The following UGT1A8 variants were observed in gnomAD, a reference collection of about 807,000 sequenced individuals.
UGT1A8 encodes UDP glucuronosyltransferase family 1 member A8, also known as UDP-glucuronosyltransferase 1A8.
In UGT1A8, 39 loss-of-function variants were observed where a neutral mutation model predicts 45.3. The ratio of observed to expected loss-of-function variants is 0.86; its 90% CI spans 0.67 to 1.12. UGT1A8 has a LOEUF of 1.12. Ranked by LOEUF, UGT1A8 falls within the 50% of genes most tolerant of loss-of-function variation. The pLI is 0.00. For missense variants in UGT1A8, 719 were observed against 664.9 expected (o/e 1.08, Z -0.90); for synonymous variants, 275 against 249.2 (o/e 1.10, Z -0.97).
At chr2:233,717,349 C>T (rs1413249189) in intron 1 of UGT1A8, among the ~76,000 whole-genome samples, 1 of 152,208 alleles carries the variant, frequency 6.6e-6, no homozygotes. Context: ...AAATCGTCCT[C>T]CCCTGGGGAG....
At position 233,672,271 on chromosome 2, in the gene UGT1A8, T is replaced by C. The variant is rs370692027; in HGVS notation, c.855+53709T>C. The C allele has an allele frequency of 5.0e-5, 80 of 1,613,996 alleles. 1 individual carries two copies. The highest frequency in any genetic ancestry group is 6.4e-5 in the Non-Finnish European group (76 of 1,179,994). On this transcript the variant is annotated intron_variant, in intron 1 of 4. Transcript: ENST00000373450. ...TATATATTCTCTATTAATGGGTTCA[T>C]ACAATGACATTTTTGACTTATTTTT...
At chr2:233,619,413 T>G (rs551532639) in intron 1 of UGT1A8, among the ~76,000 whole-genome samples, 1 of 152,292 alleles carries the variant, frequency 6.6e-6, no homozygotes, top group Non-Finnish European at 1.5e-5. Context: ...AATAATTTCC[T>G]TGTGTGAATA....
chr2:233,763,174 C>A (rs528142938), intron 1 of UGT1A8, among the ~76,000 whole-genome samples: 1 of 152,302 alleles, frequency 6.6e-6, no homozygotes, highest in East Asian at 1.9e-4. Context: ...GTGTTGACTA[C>A]ATATTTGTTG....
chr2:233,693,934 T>G, intron 1 of UGT1A8: 2 of 1,606,124 alleles, frequency 1.2e-6, no homozygotes, highest in Non-Finnish European at 1.7e-6. Flanking sequence ...CTCATTTGGC[T>G]CCTTGAGCCG....
chr2:233,724,386 G>A (rs1217254636), intron 1 of UGT1A8, among the ~76,000 whole-genome samples: 4 of 141,148 alleles, frequency 2.8e-5, no homozygotes, highest in Non-Finnish European at 3.1e-5. Flanking sequence ...GGGCGGAGAC[G>A]CTCCTCACTT....
chr2:233,636,530 G>T, intron 1 of UGT1A8: 1 of 1,612,268 alleles, frequency 6.2e-7, no homozygotes, highest in Non-Finnish European at 8.5e-7. Flanking sequence ...CTCATGGCTC[G>T]CGCAGGGTGG....
Position 233,709,184 on chromosome 2 carries a change from T to C in UGT1A8, c.856-57850T>C, listed in dbSNP as rs536582073. On this transcript the variant is annotated intron_variant, in intron 1 of 4. Transcript: ENST00000373450. ...CTAGGTCACATGTTCTATCCTGAGC[T>C]GGGAGTGGATCCTCACCAGAAGTAC... Among the ~76,000 whole-genome samples the C allele has an allele frequency of 5.9e-5, 9 of 152,238 alleles. No homozygotes were observed. The East Asian group carries it at 7.7e-4, about 13-fold the overall frequency.
At chr2:233,670,236 G>T (rs1205352658) in intron 1 of UGT1A8, among the ~76,000 whole-genome samples, 2 of 152,202 alleles carry the variant, frequency 1.3e-5, no homozygotes, top group Non-Finnish European at 2.9e-5. Flanking sequence ...GTCCTCCATT[G>T]AGTAGGCTGA....
At chr2:233,624,185 A>G (rs746154132) in intron 1 of UGT1A8, among the ~76,000 whole-genome samples, 23 of 152,008 alleles carry the variant, frequency 1.5e-4, no homozygotes, top group Admixed American at 3.3e-4. Context: ...ATTTTTACTT[A>G]ATATCCCTGT....
chr2:233,700,907 G>A (rs985233948), intron 1 of UGT1A8, among the ~76,000 whole-genome samples: 6 of 151,214 alleles, frequency 4.0e-5, no homozygotes, highest in Non-Finnish European at 7.4e-5. Flanking sequence ...GGTGTGTGAC[G>A]TTCCTCTTCC....
At chr2:233,683,971 C>A (rs1245764667) in intron 1 of UGT1A8, among the ~76,000 whole-genome samples, 1 of 152,146 alleles carries the variant, frequency 6.6e-6, no homozygotes, top group African/African-American at 2.4e-5. Flanking sequence ...GATTTGGTCA[C>A]TTGCAATTGA....
chr2:233,637,488 T>C (rs1575391701), intron 1 of UGT1A8: 1 of 1,496,252 alleles, frequency 6.7e-7, no homozygotes, highest in East Asian at 2.3e-5. Flanking sequence ...TTCAAATTTC[T>C]TTCCAGTTTA....
chr2:233,757,535 AATATAT>A (rs67292694), intron 1 of UGT1A8, among the ~76,000 whole-genome samples: 4 of 88,308 alleles, frequency 4.5e-5, no homozygotes, highest in East Asian at 2.8e-4. Flanking sequence ...GCCTGTAAGG[AATATAT>A]ATATATATAT....
rs373107890 is a variant in UGT1A8 at position 233,743,700 on chromosome 2, C to T, written c.856-23334C>T. On this transcript the variant is annotated intron_variant, in intron 1 of 4. Transcript: ENST00000373450. ...CTGCCGCCTGTGCAGCCGCCCTCCG[C>T]CCCCGCCTCGCCATAGCGGTCATAG... is the stretch of plus-strand genomic sequence containing the variant. 182 of 1,367,322 alleles carry T rather than the reference C, an allele frequency of 1.3e-4. 1 individual carries two copies. The highest frequency in any genetic ancestry group is 1.8e-4 in the Non-Finnish European group (179 of 1,021,848). 84.7% of individuals were successfully genotyped at this position (1,367,322 alleles called of 1,614,324 possible).
intron 1 of UGT1A8, among the ~76,000 whole-genome samples, chr2:233,676,176 T>C (rs752242448): frequency 1.3e-5 from 2 of 152,134 alleles, no homozygotes; most frequent in African/African-American, 4.8e-5. Context: ...GTGGAAATCA[T>C]CCAGCCACCT....
chr2:233,748,318 C>T (rs1693914102), intron 1 of UGT1A8, among the ~76,000 whole-genome samples: 1 of 151,718 alleles, frequency 6.6e-6, no homozygotes, highest in African/African-American at 2.4e-5. Context: ...TGGACTAGGA[C>T]TGATGTGACT....
chr2:233,722,619 T>G (rs1335321752), intron 1 of UGT1A8, among the ~76,000 whole-genome samples: 2 of 152,244 alleles, frequency 1.3e-5, no homozygotes. Context: ...TGATTTTTCT[T>G]AATGAAGCAT....
intron 1 of UGT1A8, chr2:233,743,754 C>A (rs547258685): frequency 7.3e-7 from 1 of 1,367,378 alleles, no homozygotes; most frequent in Admixed American, 1.9e-5. Flanking sequence ...TCCGACAACA[C>A]CTCGTAGGCC....
intron 1 of UGT1A8, among the ~76,000 whole-genome samples, chr2:233,656,403 C>G (rs752615599): frequency 2.6e-5 from 4 of 152,158 alleles, no homozygotes; most frequent in Admixed American, 6.5e-5. Context: ...GTATTTGTGG[C>G]TTATGGAACA....
Sources: allele counts gnomAD v4.1 joint callset (sites outside exome capture counted in the v4.1 genomes callset), GRCh38; gene constraint gnomAD v4.1.1; transcripts MANE v1.5; gene names NCBI Gene and HGNC (gene_info 2026-07-23, HGNC 2026-07-21).